MXI1: variants seen among roughly 807,000 people sequenced by gnomAD.
MXI1 encodes the protein max-interacting protein 1.
MXI1 carries 18 observed loss-of-function variants against 36.9 expected under a neutral mutation model. The observed-to-expected ratio is 0.49, with a 90% confidence interval of 0.34 to 0.72. The LOEUF is 0.72. Among genes scored for constraint, MXI1 ranks in the 30% least tolerant of loss-of-function variants. The pLI, the probability that MXI1 is intolerant of heterozygous loss-of-function variation, is 0.01. For missense variants in MXI1, 304 were observed against 379.1 expected, an observed-to-expected ratio of 0.80 and a Z score of 1.64; for synonymous variants, 160 against 146.7, an observed-to-expected ratio of 1.09 and a Z score of -0.65.
intron 1 of MXI1, among the ~76,000 whole-genome samples, chr10:110,214,796 C>T (rs551180609): frequency 4.6e-5 from 7 of 151,352 alleles, no homozygotes; most frequent in African/African-American, 1.7e-4. Context: ...CTCTGGCTTC[C>T]AAATGTCCTG....
At chr10:110,250,538 T>G (rs1355712664) in intron 3 of MXI1, among the ~76,000 whole-genome samples, 1 of 152,014 alleles carries the variant, frequency 6.6e-6, no homozygotes, top group African/African-American at 2.4e-5. Flanking sequence ...TTAGAAAGAA[T>G]CAACAACTTT....
intron 3 of MXI1, among the ~76,000 whole-genome samples, chr10:110,278,760 AG>A (rs762727759): frequency 3.1e-4 from 47 of 151,396 alleles, no homozygotes; most frequent in South Asian, 4.2e-4. Context: ...AAAAGGTGGG[AG>A]GGGGGAAATA....
intron 1 of MXI1, 110 bp downstream of exon 1, chr10:110,208,192 A>G (rs1209866746): frequency 1.8e-6 from 2 of 1,116,174 alleles, no homozygotes; most frequent in Non-Finnish European, 1.2e-6. Context: ...CAACATACAC[A>G]TCCAGCCCTT....
At chr10:110,253,760 G>T (rs1044159737) in intron 3 of MXI1, among the ~76,000 whole-genome samples, 8 of 152,010 alleles carry the variant, frequency 5.3e-5, no homozygotes, top group African/African-American at 9.7e-5. Flanking sequence ...GGAAAGTTTA[G>T]TCAAAATCCC....
At chr10:110,244,514 T>C (rs1024419105) in intron 2 of MXI1, among the ~76,000 whole-genome samples, 1 of 150,938 alleles carries the variant, frequency 6.6e-6, no homozygotes, top group African/African-American at 2.4e-5. Context: ...AAATTTCTTA[T>C]ATAACATCTG....
intron 1 of MXI1, among the ~76,000 whole-genome samples, chr10:110,223,956 G>A (rs542666607): frequency 6.6e-6 from 1 of 152,032 alleles, no homozygotes; most frequent in South Asian, 2.1e-4. Context: ...GAATTTTGCA[G>A]CTTGTGACCT....
At chr10:110,251,898 A>C (rs1371914738) in intron 3 of MXI1, among the ~76,000 whole-genome samples, 2 of 152,186 alleles carry the variant, frequency 1.3e-5, no homozygotes, top group African/African-American at 4.8e-5. Flanking sequence ...GATGAGGCTG[A>C]AAAGGTGGTT....
chr10:110,231,964 C>T (rs1855282101), intron 2 of MXI1, among the ~76,000 whole-genome samples: 1 of 150,516 alleles, frequency 6.6e-6, no homozygotes, highest in South Asian at 2.2e-4. Context: ...CCTGGTGTCC[C>T]TGCAACTACA....
intron 1 of MXI1, among the ~76,000 whole-genome samples, chr10:110,219,659 CT>C (rs974482570): frequency 5.9e-5 from 9 of 152,318 alleles, no homozygotes; most frequent in African/African-American, 2.2e-4. Context: ...ATCATTTATC[CT>C]GTATCCTGCT....
rs1854967616 is a variant in MXI1 at position 110,226,361 on chromosome 10, G to A, written c.275-1828G>A. On this transcript the variant is annotated intron_variant, in intron 1 of 5. Coordinates refer to ENST00000332674, the MANE Select transcript of MXI1 (RefSeq NM_130439.3). ...AGTGCGGTGCGGCCGGTAAGGGAGG[G>A]CACGCGTGTGAGGTGCGCGCATGAG... 5 of 1,390,770 alleles carry A rather than the reference G, an allele frequency of 3.6e-6. No individual in the cohort carries two copies. The South Asian group carries it at 4.5e-5, about 13-fold the overall frequency. 86.2% of individuals were successfully genotyped at this position (1,390,770 alleles called of 1,614,324 possible). A position where few individuals can be genotyped will look rare whatever the true frequency, so the allele number is the denominator to read the frequency against.
intron 1 of MXI1, among the ~76,000 whole-genome samples, chr10:110,222,919 C>T (rs1446589048): frequency 2.0e-5 from 3 of 152,148 alleles, no homozygotes; most frequent in South Asian, 4.1e-4. Context: ...AGGCAGCCAG[C>T]GCAGGGAGAA....
chr10:110,240,610 A>G (rs1855637574), intron 2 of MXI1, among the ~76,000 whole-genome samples: 1 of 152,074 alleles, frequency 6.6e-6, no homozygotes. Flanking sequence ...TTACTGTTCC[A>G]CTAATCCCAG....
rs1256782309 is a variant in MXI1, at chr10:110,209,944, CA to C, written c.274+1863del. Among the ~76,000 whole-genome samples, 214 of 150,986 alleles carry C rather than the reference CA, an allele frequency of 1.4e-3. 1 individual carries two copies. Among genetic ancestry groups the C allele is most frequent in the Middle Eastern group, 3.4e-3 (1 of 294 alleles). On this transcript the variant is annotated intron_variant, in intron 1 of 5. Coordinates refer to ENST00000332674, the MANE Select transcript of MXI1 (RefSeq NM_130439.3). ...CCCTACCCCAGCCACCCCCCCTCAC[CA>C]GCGAGGTGTATGGAGGAGGCGGTCG...
At chr10:110,235,681 C>CT (rs2134372424) in intron 2 of MXI1, among the ~76,000 whole-genome samples, 1 of 144,862 alleles carries the variant, frequency 6.9e-6, no homozygotes, top group South Asian at 2.4e-4. Context: ...GAGCAAGACT[C>CT]TGTCTCAAAA....
chr10:110,212,779 AC>A (rs1259234589), intron 1 of MXI1, among the ~76,000 whole-genome samples: 1 of 152,230 alleles, frequency 6.6e-6, no homozygotes, highest in Non-Finnish European at 1.5e-5. Context: ...TATTTAACGT[AC>A]CTGAGATATA....
chr10:110,252,710 T>A (rs1856141590), intron 3 of MXI1, among the ~76,000 whole-genome samples: 1 of 152,108 alleles, frequency 6.6e-6, no homozygotes. Context: ...TAGCAGTCAT[T>A]AAGTAAAAAT....
At chr10:110,232,525 C>T (rs377695877) in intron 2 of MXI1, among the ~76,000 whole-genome samples, 1 of 152,188 alleles carries the variant, frequency 6.6e-6, no homozygotes, top group Admixed American at 6.5e-5. Flanking sequence ...TGTAGAAATA[C>T]AGTTATCCAG....
chr10:110,250,507 A>G (rs1856039692), intron 3 of MXI1, among the ~76,000 whole-genome samples: 1 of 152,122 alleles, frequency 6.6e-6, no homozygotes, highest in Non-Finnish European at 1.5e-5. Context: ...CATTTTCTTA[A>G]TTCAAATTGC....
chr10:110,219,388 C>T (rs1854739429), intron 1 of MXI1, among the ~76,000 whole-genome samples: 1 of 152,206 alleles, frequency 6.6e-6, no homozygotes, highest in Admixed American at 6.5e-5. Context: ...TTCTTTCCTG[C>T]CTCACTTAAA....
Sources: gnomAD v4.1 joint callset for allele counts (sites outside exome capture counted in the v4.1 genomes callset) on GRCh38, gnomAD v4.1.1 for gene constraint, MANE v1.5 for transcripts, NCBI Gene and HGNC (gene_info 2026-07-23, HGNC 2026-07-21) for gene names.